Variants in DAPK2 observed in about 807,000 individuals in gnomAD.
DAPK2 encodes the protein death associated protein kinase 2, also known as death-associated protein kinase 2.
In DAPK2, 35 loss-of-function variants were observed where a neutral mutation model predicts 44.1. The observed-to-expected ratio is 0.79, with a 90% CI of 0.61 to 1.05. The LOEUF (loss-of-function observed/expected upper bound fraction) is 1.05. Ranked by LOEUF, DAPK2 falls within the 50% of genes least tolerant of loss-of-function variation. DAPK2 has a pLI of 0.00. For missense variants in DAPK2, 453 were observed against 483.2 expected (o/e 0.94, Z 0.59); for synonymous variants, 174 against 182.6 (o/e 0.95, Z 0.38).
At chr15:63,926,114 A>G (rs1264461892) in intron 6 of DAPK2, 21 bp from the exon 8 acceptor site, 1 of 1,582,192 alleles carries the variant, frequency 6.3e-7, no homozygotes, top group South Asian at 1.2e-5. Flanking sequence ...CAGACAGGGA[A>G]TCAAATAACT....
In DAPK2 at chr15:63,911,898, A is replaced by G. The variant is rs756385009; in HGVS notation, c.1032+10T>C. ...AATTCTGCCCAAGAAGAGGGCATGC[A>G]TTTACCCACCAGGTCCTCATCCGGC... On this transcript the variant is annotated intron_variant, in intron 10 of 10. Coordinates refer to ENST00000261891, the Ensembl canonical transcript of DAPK2. 2.0e-5 allele frequency: 32 copies of G among 1,612,494 alleles called. 1 individual carries two copies. The highest frequency in any genetic ancestry group is 3.3e-5 in the Admixed American group (2 of 59,822).
intron 4 of DAPK2, chr15:63,935,783 C>T (rs1285979297): frequency 1.3e-5 from 2 of 151,792 alleles, no homozygotes; most frequent in Non-Finnish European, 2.9e-5. Context: ...TCTTTTTATC[C>T]TCTTTTGCTT....
At chr15:63,971,330 G>A in intron 3 of DAPK2, 93 bp downstream of exon 4, 3 of 1,442,830 alleles carry the variant, frequency 2.1e-6, no homozygotes, top group African/African-American at 2.8e-5. Context: ...AAGAAGGGCT[G>A]GTCGGCACTG....
chr15:63,966,358 G>A lies in DAPK2; in HGVS notation c.453+5065C>T, dbSNP rs1298645011. Among the ~76,000 whole-genome samples, 1 of 152,220 alleles carries A rather than the reference G, an allele frequency of 6.6e-6. No homozygotes were observed. Among genetic ancestry groups the A allele is most frequent in the African/African-American group, 2.4e-5 (1 of 41,444 alleles). On this transcript the variant is annotated intron_variant, in intron 3 of 10. Coordinates refer to ENST00000261891, the Ensembl canonical transcript of DAPK2. This position sits in a 1 kb window ranked among gnomAD's most constrained non-coding sequence, Gnocchi z 5.5. ...TCTTTTCTCCTCAAGTGGAGGGAAG[G>A]ATTCTCTCCTGGAGTTGCAAGCTGT...
At chr15:63,937,021 G>C (rs2077178704) in intron 4 of DAPK2, among the ~76,000 whole-genome samples, 1 of 151,052 alleles carries the variant, frequency 6.6e-6, no homozygotes, top group South Asian at 2.1e-4. Context: ...TAGGAGGAGG[G>C]CTTTTCAGAA....
chr15:64,030,610 G>A (rs1275664622), intron 1 of DAPK2, among the ~76,000 whole-genome samples: 1 of 151,900 alleles, frequency 6.6e-6, no homozygotes, highest in Non-Finnish European at 1.5e-5. Flanking sequence ...CCCTTTTACT[G>A]ACAAACTCTT....
chr15:63,933,535 G>A (rs1168867054), intron 4 of DAPK2, among the ~76,000 whole-genome samples: 1 of 146,164 alleles, frequency 6.8e-6, no homozygotes, highest in Admixed American at 6.8e-5. Flanking sequence ...GAGCCACAGC[G>A]CCTGGCCTAA....
intron 1 of DAPK2, among the ~76,000 whole-genome samples, chr15:64,039,445 T>C (rs2080298503): frequency 1.3e-5 from 2 of 152,222 alleles, no homozygotes; most frequent in South Asian, 4.1e-4. Flanking sequence ...TTTCCTCATC[T>C]GGAAAAGGAG....
intron 3 of DAPK2, among the ~76,000 whole-genome samples, chr15:63,948,384 A>G (rs1369862815): frequency 6.6e-6 from 1 of 151,432 alleles, no homozygotes; most frequent in Non-Finnish European, 1.5e-5. Flanking sequence ...GCTTACACTC[A>G]TGGCAGAAGG....
At chr15:63,935,039 T>C (rs1277802269) in intron 4 of DAPK2, among the ~76,000 whole-genome samples, 3 of 151,870 alleles carry the variant, frequency 2.0e-5, no homozygotes, top group Non-Finnish European at 2.9e-5. Context: ...ATCAATGTTT[T>C]GGGGTTTTTT....
At chr15:63,974,362 A>G (rs1390890299) in intron 2 of DAPK2, among the ~76,000 whole-genome samples, 1 of 152,210 alleles carries the variant, frequency 6.6e-6, no homozygotes, top group Non-Finnish European at 1.5e-5. Context: ...GCTTGATTTT[A>G]TACATTTTAG....
intron 6 of DAPK2, chr15:63,928,142 T>A (rs1479953999): frequency 2.0e-5 from 3 of 152,304 alleles, no homozygotes; most frequent in Non-Finnish European, 4.4e-5. Context: ...GCCTTCTCTT[T>A]GCATCAAATT....
intron 1 of DAPK2, among the ~76,000 whole-genome samples, chr15:64,016,826 A>AGGAG (rs2079539667): frequency 8.9e-6 from 1 of 112,230 alleles, no homozygotes; most frequent in African/African-American, 3.5e-5. Context: ...GGGAAGGGGA[A>AGGAG]GGAAGGAAGG....
At chr15:63,996,930 C>A (rs1267678392) in intron 1 of DAPK2, among the ~76,000 whole-genome samples, 1 of 152,182 alleles carries the variant, frequency 6.6e-6, no homozygotes, top group Non-Finnish European at 1.5e-5. Context: ...TCCCCACCCT[C>A]AAAAGATTTG....
chr15:63,958,181 T>G (rs1046834369), intron 3 of DAPK2, among the ~76,000 whole-genome samples: 2 of 152,178 alleles, frequency 1.3e-5, no homozygotes, highest in Non-Finnish European at 2.9e-5. Context: ...TCATATCCTT[T>G]GTGCACTTTT....
At chr15:63,976,554 A>T (rs901865430) in intron 2 of DAPK2, among the ~76,000 whole-genome samples, 1 of 151,830 alleles carries the variant, frequency 6.6e-6, no homozygotes, top group Admixed American at 6.6e-5. Flanking sequence ...CACTGTCTCT[A>T]CAAAAAAAAA....
intron 8 of DAPK2, chr15:63,922,973 C>T: frequency 6.5e-7 from 1 of 1,535,910 alleles, no homozygotes; most frequent in Non-Finnish European, 8.7e-7. Flanking sequence ...GAGGCTACAT[C>T]CCGTGGCCTG....
At chr15:64,039,782 T>C (rs1192389877) in intron 1 of DAPK2, among the ~76,000 whole-genome samples, 1 of 152,098 alleles carries the variant, frequency 6.6e-6, no homozygotes, top group African/African-American at 2.4e-5. Context: ...ATTCAAGTTC[T>C]GAGCTTAAAA....
At chr15:63,947,518 C>G (rs116810675) in intron 3 of DAPK2, among the ~76,000 whole-genome samples, 2 of 152,212 alleles carry the variant, frequency 1.3e-5, no homozygotes, top group Admixed American at 1.3e-4. Context: ...TAAGCATGCA[C>G]GCCTTGGAAT....
Sources: gnomAD v4.1 joint callset for allele counts (sites outside exome capture counted in the v4.1 genomes callset) on GRCh38, gnomAD v4.1.1 for gene constraint, Gnocchi (gnomAD v3.1) non-coding constraint, MANE v1.5 for transcripts, NCBI Gene and HGNC (gene_info 2026-07-23, HGNC 2026-07-21) for gene names.